SAXO1: variants seen among roughly 807,000 people sequenced by gnomAD.
SAXO1 encodes the protein 4930500O09Rik.
In SAXO1, 21 loss-of-function variants were observed where a neutral mutation model predicts 17.5. The ratio of observed to expected loss-of-function variants is 1.20; its 90% confidence interval spans 0.85 to 1.72. SAXO1 has a LOEUF of 1.72. Among genes scored for constraint, SAXO1 ranks in the 40% most tolerant of loss-of-function variants. SAXO1 has a pLI of 0.00. For missense variants in SAXO1, 843 were observed against 596.0 expected (o/e 1.41, Z -4.32); for synonymous variants, 274 against 216.5 (o/e 1.27, Z -2.33).
At chr9:18,988,388 G>C (rs1833676783) in intron 1 of SAXO1, among the ~76,000 whole-genome samples, 1 of 152,198 alleles carries the variant, frequency 6.6e-6, no homozygotes, top group African/African-American at 2.4e-5. Context: ...CCAGGGCTAT[G>C]AGTCACCCAA....
At chr9:18,955,013 T>C (rs1832200399) in intron 1 of SAXO1, among the ~76,000 whole-genome samples, 1 of 152,076 alleles carries the variant, frequency 6.6e-6, no homozygotes, top group African/African-American at 2.4e-5. Context: ...CATTTTTAAT[T>C]TTCTATTATA....
intron 1 of SAXO1, among the ~76,000 whole-genome samples, chr9:19,009,040 G>C (rs958185640): frequency 9.2e-5 from 14 of 152,124 alleles, no homozygotes; most frequent in African/African-American, 3.1e-4. Context: ...AAAATGTCTA[G>C]TTCGCTTTCA....
intron 1 of SAXO1, among the ~76,000 whole-genome samples, chr9:19,028,755 A>T (rs1302021894): frequency 4.7e-5 from 7 of 149,472 alleles, no homozygotes; most frequent in Non-Finnish European, 8.9e-5. Context: ...AATATGTCTG[A>T]TTTTTTTTTT....
At chr9:18,987,572 C>G (rs1188471788) in intron 1 of SAXO1, among the ~76,000 whole-genome samples, 1 of 152,082 alleles carries the variant, frequency 6.6e-6, no homozygotes, top group East Asian at 1.9e-4. Context: ...GTTATGAGGG[C>G]AAGGGTGTGG....
At chr9:18,992,199 T>C (rs775825741) in intron 1 of SAXO1, among the ~76,000 whole-genome samples, 6 of 152,184 alleles carry the variant, frequency 3.9e-5, no homozygotes, top group African/African-American at 9.6e-5. Flanking sequence ...AACTGAGTGG[T>C]TGAACCAGAA....
At chr9:19,042,747 C>T (rs200293816) in intron 1 of SAXO1, among the ~76,000 whole-genome samples, 5 of 151,936 alleles carry the variant, frequency 3.3e-5, no homozygotes, top group East Asian at 1.9e-4. Context: ...CTGTAATCCC[C>T]GCTACTCGGG....
intron 1 of SAXO1, among the ~76,000 whole-genome samples, chr9:18,996,095 A>G (rs1833989370): frequency 6.6e-6 from 1 of 151,848 alleles, no homozygotes; most frequent in African/African-American, 2.4e-5. Context: ...AAAAAAAAGA[A>G]AAGAAAGTTT....
chr9:18,999,070 G>C (rs931144524), intron 1 of SAXO1, among the ~76,000 whole-genome samples: 2 of 152,202 alleles, frequency 1.3e-5, no homozygotes, highest in African/African-American at 4.8e-5. Context: ...TAACCAGCTA[G>C]CATCATAATG....
intron 1 of SAXO1, among the ~76,000 whole-genome samples, chr9:19,022,169 C>T (rs1038734643): frequency 2.6e-5 from 4 of 152,174 alleles, no homozygotes; most frequent in South Asian, 2.1e-4. Context: ...ACTCCGGAGG[C>T]GCCACCTTTA....
At chr9:18,989,736 T>A (rs1047161674) in intron 1 of SAXO1, among the ~76,000 whole-genome samples, 8 of 152,196 alleles carry the variant, frequency 5.3e-5, no homozygotes, top group African/African-American at 1.9e-4. Flanking sequence ...TAATCTGAAC[T>A]GTGTCACTCC....
intron 3 of SAXO1, among the ~76,000 whole-genome samples, chr9:18,937,660 T>C (rs1248487222): frequency 7.9e-5 from 12 of 152,258 alleles, no homozygotes; most frequent in Non-Finnish European, 1.6e-4. Context: ...AGCACTGCTA[T>C]ACAATGACTG....
rs369747044 is a variant in SAXO1 at position 19,019,189 on chromosome 9, T to C, written c.38+13682A>G. On this transcript the variant is annotated intron_variant, in intron 1 of 3. Transcript: ENST00000380534. ...TATGGATCTCAGCTTATTCTTCATA[T>C]CACATGTACCCATAGCTCTCTGTAG... Among the ~76,000 whole-genome samples the C allele has an allele frequency of 1.5e-3, 226 of 152,260 alleles. 6 individuals are homozygous for C. In the South Asian group the frequency reaches 0.046, roughly 31 times the overall value.
At chr9:18,958,805 C>T (rs1411169536) in intron 1 of SAXO1, among the ~76,000 whole-genome samples, 4 of 151,854 alleles carry the variant, frequency 2.6e-5, no homozygotes, top group Non-Finnish European at 2.9e-5. Flanking sequence ...CAGAATCATA[C>T]GTTTGGAAGA....
At chr9:18,953,744 T>C (rs1832131986) in intron 1 of SAXO1, among the ~76,000 whole-genome samples, 1 of 151,886 alleles carries the variant, frequency 6.6e-6, no homozygotes, top group Admixed American at 6.5e-5. Flanking sequence ...TGACATCTTT[T>C]TGTTTTGGAA....
intron 3 of SAXO1, among the ~76,000 whole-genome samples, chr9:18,940,998 C>G (rs1831529273): frequency 6.6e-6 from 1 of 152,134 alleles, no homozygotes; most frequent in Admixed American, 6.5e-5. Flanking sequence ...AATGTTTTAT[C>G]TCTTGATCTG....
intron 1 of SAXO1, among the ~76,000 whole-genome samples, chr9:18,951,393 C>T (rs1427088150): frequency 6.6e-6 from 1 of 152,122 alleles, no homozygotes; most frequent in African/African-American, 2.4e-5. Context: ...AACTGGTTAG[C>T]TCCTGGGTCA....
chr9:19,015,186 T>C (rs12379415), intron 1 of SAXO1, among the ~76,000 whole-genome samples: 5,213 of 152,292 alleles, frequency 0.034, 118 homozygotes, highest in Middle Eastern at 0.071. Context: ...AGTCTTAAAA[T>C]TGTATCCCTT....
At chr9:18,936,407 C>A in intron 3 of SAXO1, among the ~76,000 whole-genome samples, 1 of 152,138 alleles carries the variant, frequency 6.6e-6, no homozygotes, top group East Asian at 1.9e-4. Flanking sequence ...AGGCATCTAC[C>A]TGTAGATGCC....
chr9:18,998,178 G>T (rs1250320937), intron 1 of SAXO1, among the ~76,000 whole-genome samples: 1 of 152,092 alleles, frequency 6.6e-6, no homozygotes, highest in East Asian at 1.9e-4. Flanking sequence ...AGCTAAAGGA[G>T]TATGTTCTAA....
Sources: gnomAD v4.1 joint callset for allele counts (sites outside exome capture counted in the v4.1 genomes callset) on GRCh38, gnomAD v4.1.1 for gene constraint, MANE v1.5 for transcripts, NCBI Gene and HGNC (gene_info 2026-07-23, HGNC 2026-07-21) for gene names.